MEGF11: variants seen among roughly 807,000 people sequenced by gnomAD.
The protein encoded by MEGF11 is multiple epidermal growth factor-like domains protein 11.
MEGF11 carries 126 observed loss-of-function variants against 146.6 expected under a neutral mutation model. That is an observed-to-expected ratio of 0.86 (90% confidence interval 0.74 to 1.00). The LOEUF is 1.00. Among genes scored for constraint, MEGF11 ranks in the 50% least tolerant of loss-of-function variants. MEGF11 has a pLI of 0.00. For missense variants in MEGF11, 1,509 were observed against 1,521.2 expected, an observed-to-expected ratio of 0.99 and a Z score of 0.13; for synonymous variants, 532 against 583.4, an observed-to-expected ratio of 0.91 and a Z score of 1.27.
chr15:66,117,820 T>G (rs1018377045), intron 4 of MEGF11, among the ~76,000 whole-genome samples: 2 of 152,204 alleles, frequency 1.3e-5, no homozygotes, highest in African/African-American at 4.8e-5. Flanking sequence ...GCCCTGCCCC[T>G]GAGGAACGGC....
intron 1 of MEGF11, among the ~76,000 whole-genome samples, chr15:66,178,031 T>C (rs2141138665): frequency 6.6e-6 from 1 of 152,138 alleles, no homozygotes; most frequent in East Asian, 1.9e-4. Context: ...TTGCCCAGGC[T>C]AGAGTGCAGT....
At chr15:66,170,247 C>G (rs993774134) in intron 1 of MEGF11, among the ~76,000 whole-genome samples, 2 of 152,206 alleles carry the variant, frequency 1.3e-5, no homozygotes, top group Non-Finnish European at 2.9e-5. Flanking sequence ...GCTGTGCCTC[C>G]TTCCTGACAC....
At chr15:66,181,628 C>G (rs544227653) in intron 1 of MEGF11, among the ~76,000 whole-genome samples, 156 of 152,290 alleles carry the variant, frequency 1.0e-3, no homozygotes, top group African/African-American at 3.4e-3. Context: ...TCATGAAGAA[C>G]TCACTTTCTC....
intron 9 of MEGF11, among the ~76,000 whole-genome samples, chr15:65,963,642 G>T (rs1409862968): frequency 6.6e-6 from 1 of 152,202 alleles, no homozygotes; most frequent in East Asian, 1.9e-4. Flanking sequence ...CCAGCCCTGT[G>T]GGCGCTCAGT....
At chr15:66,120,587 C>T (rs2087975344) in intron 3 of MEGF11, among the ~76,000 whole-genome samples, 1 of 152,214 alleles carries the variant, frequency 6.6e-6, no homozygotes, top group South Asian at 2.1e-4. Context: ...AAAGCCCTCA[C>T]TTCATAACAA....
intron 7 of MEGF11, among the ~76,000 whole-genome samples, chr15:65,979,072 G>T (rs2081548250): frequency 6.6e-6 from 1 of 152,104 alleles, no homozygotes; most frequent in African/African-American, 2.4e-5. Context: ...TAACGATTAG[G>T]CTCCTGCCCC....
intron 5 of MEGF11, among the ~76,000 whole-genome samples, chr15:66,047,734 G>A (rs2084269884): frequency 6.6e-6 from 1 of 152,224 alleles, no homozygotes. Flanking sequence ...GGCCCAGTGG[G>A]CCTGGGGGAG....
intron 5 of MEGF11, among the ~76,000 whole-genome samples, chr15:66,064,038 C>A (rs893818124): frequency 3.9e-5 from 6 of 152,192 alleles, no homozygotes; most frequent in African/African-American, 7.2e-5. Flanking sequence ...TATCACCACA[C>A]CTGCCACCTA....
At chr15:66,157,925 C>T (rs1422348206) in intron 1 of MEGF11, among the ~76,000 whole-genome samples, 1 of 152,072 alleles carries the variant, frequency 6.6e-6, no homozygotes, top group Admixed American at 6.5e-5. Flanking sequence ...AATATACGTG[C>T]CAACCTCTGA....
intron 1 of MEGF11, among the ~76,000 whole-genome samples, chr15:66,224,777 C>T (rs923956689): frequency 1.3e-5 from 2 of 148,922 alleles, no homozygotes; most frequent in Non-Finnish European, 1.5e-5. Context: ...AAGTACCTGT[C>T]ATAGCATAAG....
intron 5 of MEGF11, among the ~76,000 whole-genome samples, chr15:65,984,966 A>C (rs536228249): frequency 2.0e-5 from 3 of 151,842 alleles, no homozygotes; most frequent in Non-Finnish European, 4.4e-5. Context: ...ATGGGGTTTC[A>C]CCATGTTGGC....
rs59411817 is a variant in MEGF11, at chr15:66,079,642, C to T, written c.394+14760G>A. Among the ~76,000 whole-genome samples the T allele has an allele frequency of 5.8e-3, 870 of 150,270 alleles. 11 individuals carry two copies. Among genetic ancestry groups the T allele is most frequent in the African/African-American group, 0.02 (813 of 40,722 alleles). On this transcript the variant is annotated intron_variant, in intron 5 of 25. Transcript: ENST00000395614. ...TCAGATATTCCTCATAGACAAGGAA[C>T]GAATCTCCAGGTTGGCCACTCTCAG... is the stretch of plus-strand genomic sequence containing the variant.
chr15:65,952,432 G>A (rs187254445), intron 10 of MEGF11, among the ~76,000 whole-genome samples: 8 of 152,098 alleles, frequency 5.3e-5, no homozygotes, highest in South Asian at 4.2e-4. Context: ...CTAGCTCAGC[G>A]GGGTGTGAAG....
chr15:66,082,291 T>G (rs1351023314), intron 5 of MEGF11, among the ~76,000 whole-genome samples: 1 of 151,134 alleles, frequency 6.6e-6, no homozygotes, highest in East Asian at 1.9e-4. Flanking sequence ...GCTGGGCAGA[T>G]GAAATGGGAT....
intron 10 of MEGF11, among the ~76,000 whole-genome samples, chr15:65,945,901 A>G (rs1013342563): frequency 2.0e-5 from 3 of 152,308 alleles, no homozygotes; most frequent in Admixed American, 6.5e-5. Context: ...CTCATGGACT[A>G]TGCAACCTGA....
At chr15:65,987,331 A>G (rs763195066) in intron 5 of MEGF11, among the ~76,000 whole-genome samples, 3 of 152,160 alleles carry the variant, frequency 2.0e-5, no homozygotes, top group Non-Finnish European at 4.4e-5. Flanking sequence ...TTGAAAATCC[A>G]TAAAGAGGTG....
chr15:66,220,638 C>T (rs1376967907), intron 1 of MEGF11, among the ~76,000 whole-genome samples: 8 of 151,230 alleles, frequency 5.3e-5, no homozygotes, highest in East Asian at 3.9e-4. Context: ...CCCAGGATCA[C>T]GCAATCCTTT....
chr15:66,214,614 T>G (rs528670605), intron 1 of MEGF11, among the ~76,000 whole-genome samples: 1 of 152,276 alleles, frequency 6.6e-6, no homozygotes, highest in South Asian at 2.1e-4. Flanking sequence ...GCCAGCCAGG[T>G]AGGATCCATT....
In MEGF11 at chr15:65,982,532, C is replaced by G. The variant is rs1444820662; in HGVS notation, c.395-44G>C. On this transcript the variant is annotated intron_variant, in intron 5 of 25. Transcript: ENST00000395614. The surrounding 1 kb of genome is among the most constrained non-coding windows in gnomAD (Gnocchi z 5.6). ...TCAGGGATCAGGAGCCCCGAAGGCT[C>G]TCCTTGGGGCAGGGGCCAGGAACCG... The G allele has an allele frequency of 7.0e-7, 1 of 1,433,252 alleles. No homozygotes were observed. The highest frequency in any genetic ancestry group is 9.1e-7 in the Non-Finnish European group (1 of 1,096,180). 88.8% of individuals were successfully genotyped at this position (1,433,252 alleles called of 1,614,324 possible).
Sources: gnomAD v4.1 joint callset for allele counts (sites outside exome capture counted in the v4.1 genomes callset) on GRCh38, gnomAD v4.1.1 for gene constraint, Gnocchi (gnomAD v3.1) non-coding constraint, MANE v1.5 for transcripts, NCBI Gene and HGNC (gene_info 2026-07-23, HGNC 2026-07-21) for gene names.